CPSF4L: variants seen among roughly 807,000 people sequenced by gnomAD.
CPSF4L encodes the protein putative cleavage and polyadenylation specificity factor subunit 4-like protein.
In CPSF4L, 18 loss-of-function variants were observed where a neutral mutation model predicts 24.0. That is an observed-to-expected ratio of 0.75 (90% CI 0.52 to 1.11). The LOEUF (loss-of-function observed/expected upper bound fraction) is 1.11, where lower values mean the gene tolerates loss of function less well. Ranked by LOEUF, CPSF4L falls within the 50% of genes least tolerant of loss-of-function variation. The pLI is 0.00. For synonymous variants in CPSF4L, 72 were observed against 77.2 expected, an observed-to-expected ratio of 0.93 and a Z score of 0.35; for missense variants, 211 against 221.8, an observed-to-expected ratio of 0.95 and a Z score of 0.31.
the CPSF4L span, chr17:73,243,077 A>AGTTTTTTTTTTGTTTTTTTTTTG: frequency 3.3e-6 from 1 of 306,200 alleles, no homozygotes; most frequent in African/African-American, 3.0e-5. Flanking sequence ...GATTCTCTGA[A>AGTTTTTTTTTTGTTTTTTTTTTG]TTTTTTTTTT....
At chr17:73,259,618 A>G (rs4969089) in intron 2 of CPSF4L, among the ~76,000 whole-genome samples, 102,626 of 152,148 alleles carry the variant, frequency 0.67, 37,460 homozygotes, top group East Asian at 0.81. Flanking sequence ...GGTTGGGCTG[A>G]GCTGAGGAGA....
intron 5 of CPSF4L, 71 bp downstream of exon 5, chr17:73,252,559 G>A: frequency 1.1e-6 from 1 of 938,790 alleles, no homozygotes. Flanking sequence ...GCGAAGGTAT[G>A]GAAAGATCTA....
the CPSF4L span, chr17:73,242,392 T>C: frequency 7.4e-7 from 1 of 1,355,848 alleles, no homozygotes; most frequent in Non-Finnish European, 1.0e-6. Flanking sequence ...TTGCAGGTTC[T>C]GGGCATTTGG....
the CPSF4L span, chr17:73,242,859 G>A: frequency 1.9e-6 from 3 of 1,558,408 alleles, no homozygotes. Flanking sequence ...CCTAGTTTCA[G>A]TTGCTGTAAC....
chr17:73,245,145 C>T (rs758471487), downstream of CPSF4L: 1 of 1,613,008 alleles, frequency 6.2e-7, no homozygotes, highest in Non-Finnish European at 8.5e-7. Flanking sequence ...CGGATCCTTA[C>T]ATTTGTCTCT....
At chr17:73,251,012 G>A in intron 5 of CPSF4L, 2 of 1,549,324 alleles carry the variant, frequency 1.3e-6, no homozygotes, top group South Asian at 2.4e-5. Context: ...TGATCCCCAG[G>A]CAGGAGAGCA....
chr17:73,250,903 C>G lies in CPSF4L; in HGVS notation c.497+1727G>C, dbSNP rs2062003043. On this transcript the variant is annotated intron_variant, in intron 5 of 5. Coordinates refer to ENST00000344935, the MANE Select transcript of CPSF4L (RefSeq NM_001129885.1). ...GCAGAAAAGGAGTCATTCTCCAGCTCCCTGATCATTCCTTGCCCTCCCAGC... is the reference window on the plus strand; with the variant it reads ...GCAGAAAAGGAGTCATTCTCCAGCTGCCTGATCATTCCTTGCCCTCCCAGC... 22 of 1,218,878 alleles carry G rather than the reference C, an allele frequency of 1.8e-5. No homozygotes were observed. In the South Asian group the frequency reaches 1.9e-4, roughly 11 times the overall value. 75.5% of individuals were successfully genotyped at this position (1,218,878 alleles called of 1,614,324 possible).
downstream of CPSF4L, chr17:73,245,669 C>A: frequency 1.0e-6 from 1 of 985,348 alleles, no homozygotes; most frequent in Non-Finnish European, 1.2e-6. Flanking sequence ...GGGCCCTTGA[C>A]CAGATCTTGA....
intron 4 of CPSF4L, 24 bp from the exon 5 acceptor site, chr17:73,252,747 G>A: frequency 1.3e-6 from 2 of 1,496,254 alleles, no homozygotes; most frequent in South Asian, 1.2e-5. Context: ...AGAAAGTGAT[G>A]AGAAGGATCC....
At chr17:73,260,754 G>A (rs1345443507) in intron 2 of CPSF4L, among the ~76,000 whole-genome samples, 179 bp downstream of exon 2, 5 of 152,122 alleles carry the variant, frequency 3.3e-5, no homozygotes, top group South Asian at 2.1e-4. Flanking sequence ...GCAACAGAGC[G>A]AGATTCCATC....
At chr17:73,252,022 T>C (rs998642954) in intron 5 of CPSF4L, among the ~76,000 whole-genome samples, 23 of 152,336 alleles carry the variant, frequency 1.5e-4, no homozygotes, top group African/African-American at 5.3e-4. Context: ...ACATGCATGA[T>C]GACATGCCTT....
In CPSF4L at chr17:73,252,700, C is replaced by T. The variant is rs866142978; in HGVS notation, c.427G>A (p.Val143Ile). ...TAGTTGAGACACATTATTCTGGGGA[C>T]ATGGCGGTATTTACACAGAGGACCT... ...KDGPLCKYRH[V>I]PRIMCLNYLV... The change falls in exon 5 of 6, where the codon GTC becomes ATC. Residue 143 changes from valine (V) to isoleucine (I), a missense_variant. Val to Ile is a conservative substitution (Grantham distance 29). Transcript: ENST00000344935. The T allele has an allele frequency of 6.4e-7, 1 of 1,551,120 alleles. No individual in the cohort carries two copies. The highest frequency in any genetic ancestry group is 8.7e-7 in the Non-Finnish European group (1 of 1,146,688).
intron 5 of CPSF4L, chr17:73,250,828 A>T (rs1327519148): frequency 3.5e-6 from 2 of 570,274 alleles, no homozygotes; most frequent in Non-Finnish European, 5.7e-6. Context: ...TGCCAACAGG[A>T]TGGTTTACAG....
At chr17:73,243,086 T>TTTG in the CPSF4L span, 3 of 987,740 alleles carry the variant, frequency 3.0e-6, no homozygotes, top group Non-Finnish European at 3.0e-6. Flanking sequence ...AATTTTTTTT[T>TTTG]TTTTTTTTTT....
intron 5 of CPSF4L, among the ~76,000 whole-genome samples, chr17:73,249,393 C>T (rs768339096): frequency 1.1e-4 from 17 of 152,112 alleles, no homozygotes; most frequent in South Asian, 6.2e-4. Flanking sequence ...AAAAAGAAAA[C>T]GGGCTTGAGG....
intron 4 of CPSF4L, 40 bp from the exon 5 acceptor site, chr17:73,252,763 A>C: frequency 7.1e-7 from 1 of 1,415,680 alleles, no homozygotes; most frequent in South Asian, 1.3e-5. Flanking sequence ...GATCCGCTTC[A>C]GCAAGAGGGG....
downstream of CPSF4L, chr17:73,245,245 A>T: frequency 1.2e-6 from 2 of 1,608,736 alleles, no homozygotes; most frequent in Non-Finnish European, 1.7e-6. Context: ...TACAGTGGAG[A>T]CGACTGCAAT....
At chr17:73,242,326 G>A in the CPSF4L span, 2 of 1,602,554 alleles carry the variant, frequency 1.2e-6, no homozygotes, top group Admixed American at 1.7e-5. Flanking sequence ...TCTCTCTAAT[G>A]AGGCTCTTGG....
Position 73,257,743 on chromosome 17 carries a change from C to G in CPSF4L, c.245G>C (p.Cys82Ser). 6.4e-7 allele frequency: 1 copy of G among 1,551,718 alleles called. No individual in the cohort carries two copies. Among genetic ancestry groups the G allele is most frequent in the African/African-American group, 1.4e-5 (1 of 73,136 alleles). ...LRGLCKKGDH[C>S]KFLHQYDLTR... Reference sequence around the variant, plus strand: ...GAGGTCATACTGGTGCAGGAACTTGCAGTGATCACCCTTCTTGCAGAGCCC... The same window carrying G: ...GAGGTCATACTGGTGCAGGAACTTGGAGTGATCACCCTTCTTGCAGAGCCC... The change falls in exon 3 of 6, where the codon TGC becomes TCC. Residue 82 changes from cysteine (C) to serine (S), a missense_variant. Physicochemically the swap from Cys to Ser is moderately radical, Grantham distance 112. Transcript: ENST00000344935.
Sources: allele counts gnomAD v4.1 joint callset (sites outside exome capture counted in the v4.1 genomes callset), GRCh38; gene constraint gnomAD v4.1.1; transcripts MANE v1.5; gene names NCBI Gene and HGNC (gene_info 2026-07-23, HGNC 2026-07-21).